VPS53: variants seen among roughly 807,000 people sequenced by gnomAD.
VPS53 encodes VPS53 subunit of GARP complex.
Under a neutral mutation model 107.0 loss-of-function variants are expected in VPS53, and 70 were observed. The observed-to-expected ratio is 0.65, with a 90% confidence interval of 0.54 to 0.80. VPS53 has a LOEUF of 0.80. Among genes scored for constraint, VPS53 ranks in the 30% least tolerant of loss-of-function variants. VPS53 has a pLI of 0.00. For synonymous variants in VPS53, 409 were observed against 393.3 expected, an observed-to-expected ratio of 1.04 and a Z score of -0.47; for missense variants, 917 against 1,049.4, an observed-to-expected ratio of 0.87 and a Z score of 1.74.
chr17:657,042 T>C (rs1971222126), intron 5 of VPS53: 7 of 870,292 alleles, frequency 8.0e-6, no homozygotes, highest in Middle Eastern at 2.2e-4. Context: ...CCAGTCACCA[T>C]ATATGGCTTG....
At chr17:555,170 A>T (rs1338349987) in intron 15 of VPS53, among the ~76,000 whole-genome samples, 1 of 152,244 alleles carries the variant, frequency 6.6e-6, no homozygotes, top group Non-Finnish European at 1.5e-5. Flanking sequence ...GGTCCTGCCC[A>T]GCTTTCTGGC....
chr17:541,227 C>T (rs892962655), intron 17 of VPS53, among the ~76,000 whole-genome samples: 2 of 152,162 alleles, frequency 1.3e-5, no homozygotes, highest in African/African-American at 2.4e-5. Flanking sequence ...CTTTCACTCC[C>T]GCAGCATCTG....
chr17:542,959 T>C (rs950334535), intron 17 of VPS53, among the ~76,000 whole-genome samples: 6 of 144,634 alleles, frequency 4.1e-5, no homozygotes, highest in Admixed American at 1.4e-4. Context: ...GCCTGCCGGA[T>C]AGAGCGAGAC....
At chr17:711,549 C>G (rs1973642461) in intron 1 of VPS53, among the ~76,000 whole-genome samples, 1 of 152,174 alleles carries the variant, frequency 6.6e-6, no homozygotes, top group South Asian at 2.1e-4. Flanking sequence ...TTTACACAGT[C>G]TCAATGATAC....
chr17:672,278 G>A (rs547781661), intron 4 of VPS53, among the ~76,000 whole-genome samples: 15 of 150,466 alleles, frequency 1.0e-4, no homozygotes, highest in African/African-American at 3.4e-4. Flanking sequence ...TCCTTCTGGC[G>A]GTCACACTTG....
intron 17 of VPS53, among the ~76,000 whole-genome samples, chr17:545,399 C>A (rs2151827962): frequency 6.6e-6 from 1 of 152,332 alleles, no homozygotes; most frequent in Middle Eastern, 3.4e-3. Context: ...AAGTCAGAAG[C>A]CCTTCTGCTA....
chr17:613,991 C>T (rs1308929415), intron 11 of VPS53, among the ~76,000 whole-genome samples: 1 of 152,224 alleles, frequency 6.6e-6, no homozygotes, highest in African/African-American at 2.4e-5. Flanking sequence ...GGCTCGCAGA[C>T]ACTGTCCAGA....
At chr17:571,849 A>G (rs1168168278) in intron 13 of VPS53, among the ~76,000 whole-genome samples, 7 of 152,140 alleles carry the variant, frequency 4.6e-5, no homozygotes, top group African/African-American at 7.2e-5. Flanking sequence ...TCAGTGCTCA[A>G]TGGTGCCCAG....
At chr17:562,164 T>C (rs1374245994) in intron 14 of VPS53, among the ~76,000 whole-genome samples, 1 of 152,172 alleles carries the variant, frequency 6.6e-6, no homozygotes, top group Admixed American at 6.5e-5. Flanking sequence ...TTAAGCTATT[T>C]ATCAGTTATT....
At chr17:560,348 A>C (rs560104536) in intron 15 of VPS53, 78 bp downstream of exon 15, 178 of 1,519,366 alleles carry the variant, frequency 1.2e-4, no homozygotes, top group Non-Finnish European at 1.5e-4. Flanking sequence ...GTTAGGACGT[A>C]TATTCTTACT....
Position 517,337 on chromosome 17 carries a change from A to T in VPS53, c.*1791T>A, listed in dbSNP as rs368862530. ...CAGCCTGGAAGCCGATGAAGAAATG[A>T]CACTCAGGATCAGAGCTGGACGGCA... On this transcript the variant is annotated 3_prime_UTR_variant, in exon 22 of 22. Coordinates refer to ENST00000437048, the MANE Select transcript of VPS53 (RefSeq NM_001128159.3). 41 of 398,148 alleles carry T rather than the reference A, an allele frequency of 1.0e-4. 1 individual carries two copies. The highest frequency in any genetic ancestry group is 9.3e-4 in the East Asian group (26 of 28,062). The allele number at this position is 398,148 out of a possible 1,614,324, so 24.7% of individuals were successfully genotyped here.
At chr17:662,389 C>G (rs1398757077) in intron 4 of VPS53, among the ~76,000 whole-genome samples, 2 of 152,132 alleles carry the variant, frequency 1.3e-5, no homozygotes, top group Non-Finnish European at 2.9e-5. Flanking sequence ...CAATGAAATG[C>G]ACTTAGAAAG....
intron 7 of VPS53, among the ~76,000 whole-genome samples, chr17:643,546 CCGAGGACAACACTCATACTTG>C (rs1970543707): frequency 2.2e-5 from 1 of 44,804 alleles, no homozygotes; most frequent in Non-Finnish European, 4.7e-5. Context: ...TACTTGGAAA[CCGAGGACAACACTCATACTTG>C]GAAACCGAGG....
chr17:658,281 G>A (rs74189171), intron 5 of VPS53, among the ~76,000 whole-genome samples: 37,639 of 112,860 alleles, frequency 0.33, 7,215 homozygotes, highest in Non-Finnish European at 0.44. Context: ...TGAGAAACTC[G>A]GCCGTGAGTT....
Position 560,465 on chromosome 17 carries a change from G to A in VPS53, c.1665C>T (p.Ile555=). The A allele has an allele frequency of 6.2e-7, 1 of 1,612,890 alleles. No individual in the cohort carries two copies. The highest frequency in any genetic ancestry group is 8.5e-7 in the Non-Finnish European group (1 of 1,180,000). ...CCAGACAGTACTCTGCCGTGCTCAG[G>A]ATGTTACAGATGAGGCAGAGCTCCT... ...TLEELCLICN[I]LSTAEYCLAT... is the part of the protein sequence containing the mutation. The change falls in exon 15 of 22, where the codon ATC becomes ATT. Residue 555 remains isoleucine, a synonymous_variant. Coordinates refer to ENST00000437048, the MANE Select transcript of VPS53 (RefSeq NM_001128159.3).
intron 4 of VPS53, among the ~76,000 whole-genome samples, chr17:692,778 G>A (rs553375134): frequency 4.0e-4 from 61 of 152,260 alleles, no homozygotes; most frequent in African/African-American, 1.1e-3. Flanking sequence ...CGAGGCGGGC[G>A]GACCACAAGG....
intron 7 of VPS53, among the ~76,000 whole-genome samples, chr17:645,112 C>G (rs1178818130): frequency 2.0e-5 from 3 of 152,136 alleles, no homozygotes; most frequent in African/African-American, 7.2e-5. Context: ...ATTTTTAAAA[C>G]TACCTCTTTA....
chr17:569,233 A>G (rs1475999873), intron 13 of VPS53, among the ~76,000 whole-genome samples: 2 of 152,344 alleles, frequency 1.3e-5, no homozygotes, highest in East Asian at 1.9e-4. Context: ...TTTGAGTACT[A>G]AAATAACAAC....
chr17:686,971 A>G (rs924713004), intron 4 of VPS53, among the ~76,000 whole-genome samples: 2 of 136,536 alleles, frequency 1.5e-5, no homozygotes, highest in Non-Finnish European at 3.3e-5. Flanking sequence ...ACATAGCGAG[A>G]CCTCATCTAC....
Sources: allele counts gnomAD v4.1 joint callset (sites outside exome capture counted in the v4.1 genomes callset), GRCh38; gene constraint gnomAD v4.1.1; transcripts MANE v1.5; gene names NCBI Gene and HGNC (gene_info 2026-07-23, HGNC 2026-07-21).